ST6GAL1: variants seen among roughly 807,000 people sequenced by gnomAD.
ST6GAL1 encodes the protein beta-galactoside alpha-2,6-sialyltransferase 1.
ST6GAL1 carries 20 observed loss-of-function variants against 38.0 expected under a neutral mutation model. That is an observed-to-expected ratio of 0.53 (90% CI 0.37 to 0.77). ST6GAL1 has a LOEUF of 0.77. Among genes scored for constraint, ST6GAL1 ranks in the 30% least tolerant of loss-of-function variants. ST6GAL1 has a pLI of 0.00. For missense variants in ST6GAL1, 432 were observed against 496.4 expected, an observed-to-expected ratio of 0.87 and a Z score of 1.23; for synonymous variants, 196 against 188.2, an observed-to-expected ratio of 1.04 and a Z score of -0.34.
chr3:187,033,559 A>G (rs897575510), intron 2 of ST6GAL1, among the ~76,000 whole-genome samples: 2 of 152,210 alleles, frequency 1.3e-5, no homozygotes, highest in African/African-American at 4.8e-5. Context: ...CTGAGTATAC[A>G]GGTAACATTT....
intron 2 of ST6GAL1, among the ~76,000 whole-genome samples, chr3:186,983,533 G>A (rs1715763245): frequency 2.0e-5 from 3 of 152,120 alleles, no homozygotes; most frequent in African/African-American, 2.4e-5. Context: ...GGGGCACTCA[G>A]GGTGAGGGAT....
In ST6GAL1 at chr3:187,076,841, A is replaced by G; in HGVS notation, c.*1038A>G. ...CAAGTGCAGCCTCACGACAGATACCAGGCAATCCAGAGCCACAAAACGTGA... is the reference window on the plus strand; with the variant it reads ...CAAGTGCAGCCTCACGACAGATACCGGGCAATCCAGAGCCACAAAACGTGA... On this transcript the variant is annotated 3_prime_UTR_variant, in exon 8 of 8. Coordinates refer to ENST00000169298, the MANE Select transcript of ST6GAL1 (RefSeq NM_173216.2). 2.5e-6 allele frequency: 1 copy of G among 399,062 alleles called. No individual in the cohort carries two copies. The highest frequency in any genetic ancestry group is 4.4e-6 in the Non-Finnish European group (1 of 226,066). The allele number at this position is 399,062 out of a possible 1,614,324, so 24.7% of individuals were successfully genotyped here.
chr3:187,050,383 T>G (rs1279260727), intron 4 of ST6GAL1, among the ~76,000 whole-genome samples: 1 of 152,160 alleles, frequency 6.6e-6, no homozygotes, highest in Non-Finnish European at 1.5e-5. Flanking sequence ...TAGGTCAACG[T>G]GGGGTAGAGA....
At chr3:187,055,986 G>A (rs1718687095) in intron 5 of ST6GAL1, among the ~76,000 whole-genome samples, 1 of 152,128 alleles carries the variant, frequency 6.6e-6, no homozygotes, top group Admixed American at 6.5e-5. Context: ...GAATCTGGAT[G>A]CTCCTGTATT....
chr3:187,046,339 CT>C (rs1282168841), intron 4 of ST6GAL1, among the ~76,000 whole-genome samples: 2 of 152,146 alleles, frequency 1.3e-5, no homozygotes, highest in Non-Finnish European at 2.9e-5. Context: ...GCAGATTCCA[CT>C]TTGGATGTTC....
intron 2 of ST6GAL1, among the ~76,000 whole-genome samples, chr3:186,984,777 T>C: frequency 2.6e-5 from 1 of 37,916 alleles, no homozygotes; most frequent in Admixed American, 2.9e-4. Flanking sequence ...CTTCCTTCCT[T>C]CCCTTCCTCC....
At chr3:186,947,531 T>C (rs940185793) in intron 1 of ST6GAL1, among the ~76,000 whole-genome samples, 2 of 152,208 alleles carry the variant, frequency 1.3e-5, no homozygotes, top group African/African-American at 2.4e-5. Flanking sequence ...AGTAAGTCTA[T>C]TTTATACATT....
intron 3 of ST6GAL1, among the ~76,000 whole-genome samples, chr3:187,041,411 C>G (rs1579350205): frequency 6.6e-6 from 1 of 152,134 alleles, no homozygotes; most frequent in Non-Finnish European, 1.5e-5. Flanking sequence ...TAAATAAACC[C>G]AGTGATTGGG....
chr3:187,022,507 T>C (rs115877942), intron 2 of ST6GAL1, among the ~76,000 whole-genome samples: 1 of 152,172 alleles, frequency 6.6e-6, no homozygotes, highest in Non-Finnish European at 1.5e-5. Flanking sequence ...GATAAGGAGG[T>C]TGTGGGGGCC....
At chr3:186,982,125 G>T (rs74808300) in intron 2 of ST6GAL1, among the ~76,000 whole-genome samples, 3,595 of 152,282 alleles carry the variant, frequency 0.024, 146 homozygotes, top group African/African-American at 0.081. Flanking sequence ...GGTCTGTGTA[G>T]CTCACAAATG....
chr3:186,956,295 C>T (rs1385418940), intron 1 of ST6GAL1, among the ~76,000 whole-genome samples: 2 of 152,138 alleles, frequency 1.3e-5, no homozygotes, highest in African/African-American at 2.4e-5. Flanking sequence ...TATTCTTAAC[C>T]CATTTGGTGG....
chr3:187,032,374 C>G (rs1717782631), intron 2 of ST6GAL1, among the ~76,000 whole-genome samples: 1 of 152,098 alleles, frequency 6.6e-6, no homozygotes, highest in African/African-American at 2.4e-5. Context: ...AGGTATCATC[C>G]AAAAGTCTGG....
intron 5 of ST6GAL1, among the ~76,000 whole-genome samples, chr3:187,055,295 C>G (rs1169972967): frequency 6.7e-6 from 1 of 149,818 alleles, no homozygotes; most frequent in Non-Finnish European, 1.5e-5. Flanking sequence ...TTTTTTGTGT[C>G]TCTATCTCCT....
intron 1 of ST6GAL1, among the ~76,000 whole-genome samples, chr3:186,939,794 G>A (rs1714099566): frequency 6.6e-6 from 1 of 152,062 alleles, no homozygotes; most frequent in Non-Finnish European, 1.5e-5. Flanking sequence ...CACACACAAC[G>A]CCCCATGCTT....
chr3:187,013,239 C>G (rs376141506), intron 2 of ST6GAL1, among the ~76,000 whole-genome samples: 1 of 152,184 alleles, frequency 6.6e-6, no homozygotes, highest in East Asian at 1.9e-4. Context: ...TCTGGAGAGA[C>G]TTAAAATAAC....
chr3:186,933,502 C>A (rs562324862), intron 1 of ST6GAL1, among the ~76,000 whole-genome samples: 1 of 152,260 alleles, frequency 6.6e-6, no homozygotes, highest in East Asian at 1.9e-4. Flanking sequence ...CCTGCATGGC[C>A]GAGCGAGCAC....
At chr3:187,012,978 G>C (rs1206970753) in intron 2 of ST6GAL1, among the ~76,000 whole-genome samples, 1 of 152,206 alleles carries the variant, frequency 6.6e-6, no homozygotes, top group Non-Finnish European at 1.5e-5. Flanking sequence ...CCAGGCAGGG[G>C]CTGCAGAGGG....
At chr3:186,966,390 CAG>C (rs1338167701) in intron 2 of ST6GAL1, among the ~76,000 whole-genome samples, 1 of 152,184 alleles carries the variant, frequency 6.6e-6, no homozygotes, top group Admixed American at 6.5e-5. Context: ...TTGGGTCTCA[CAG>C]AGGTAAAGAG....
intron 2 of ST6GAL1, among the ~76,000 whole-genome samples, chr3:186,996,079 A>G (rs570435591): frequency 7.9e-5 from 12 of 152,304 alleles, no homozygotes; most frequent in African/African-American, 2.9e-4. Flanking sequence ...AAATAAAAAT[A>G]TGATATTTGA....
Sources: gnomAD v4.1 joint callset for allele counts (sites outside exome capture counted in the v4.1 genomes callset) on GRCh38, gnomAD v4.1.1 for gene constraint, MANE v1.5 for transcripts, NCBI Gene and HGNC (gene_info 2026-07-23, HGNC 2026-07-21) for gene names.